RBFOX1: variants seen among roughly 807,000 people sequenced by gnomAD.
The protein encoded by RBFOX1 is RNA binding protein fox-1 homolog 1.
Under a neutral mutation model 57.7 loss-of-function variants are expected in RBFOX1, and 8 were observed. The observed-to-expected ratio is 0.14, with a 90% confidence interval of 0.08 to 0.25. The LOEUF (loss-of-function observed/expected upper bound fraction) is 0.25, where lower values mean the gene tolerates loss of function less well. Among genes scored for constraint, RBFOX1 ranks in the 10% least tolerant of loss-of-function variants. The pLI, the probability that RBFOX1 is intolerant of heterozygous loss-of-function variation, is 1.00. For synonymous variants in RBFOX1, 326 were observed against 222.4 expected (o/e 1.47, Z -4.15); for missense variants, 611 against 548.5 (o/e 1.11, Z -1.14).
At chr16:5,850,220 C>G (rs148924700) in intron 3 of RBFOX1, among the ~76,000 whole-genome samples, 8 of 152,112 alleles carry the variant, frequency 5.3e-5, no homozygotes, top group Non-Finnish European at 1.0e-4. Context: ...GCTGCTTGGC[C>G]GAAGCATGAG....
At chr16:5,574,355 C>A (rs563069419) in intron 2 of RBFOX1, among the ~76,000 whole-genome samples, 5 of 152,178 alleles carry the variant, frequency 3.3e-5, no homozygotes, top group Admixed American at 6.5e-5. Flanking sequence ...TGATTCTCAT[C>A]CAAGCCCGCC....
At chr16:7,270,646 C>G (rs1232914419) in intron 4 of RBFOX1, among the ~76,000 whole-genome samples, 2 of 152,132 alleles carry the variant, frequency 1.3e-5, no homozygotes, top group Non-Finnish European at 2.9e-5. Context: ...AAATCAGTTG[C>G]TATTAGACAA....
chr16:6,566,732 A>G (rs1600088650), intron 2 of RBFOX1, among the ~76,000 whole-genome samples: 1 of 152,102 alleles, frequency 6.6e-6, no homozygotes, highest in African/African-American at 2.4e-5. Context: ...TGGCACTCTC[A>G]TCTATATGAG....
intron 3 of RBFOX1, among the ~76,000 whole-genome samples, chr16:5,640,833 GCA>G (rs142919715): frequency 0.072 from 10,201 of 142,560 alleles, 951 homozygotes; most frequent in African/African-American, 0.23. Flanking sequence ...ACACATACAT[GCA>G]CACACACACA....
At chr16:7,193,259 G>T (rs1487118114) in intron 4 of RBFOX1, among the ~76,000 whole-genome samples, 1 of 152,174 alleles carries the variant, frequency 6.6e-6, no homozygotes, top group East Asian at 1.9e-4. Flanking sequence ...CATTATTGCT[G>T]TCTGTAAGAT....
chr16:7,237,428 G>C (rs1481037712), intron 4 of RBFOX1, among the ~76,000 whole-genome samples: 1 of 152,086 alleles, frequency 6.6e-6, no homozygotes, highest in Non-Finnish European at 1.5e-5. Context: ...TTTGTCTCTG[G>C]ACCAGGCACT....
Position 7,712,521 on chromosome 16 carries a change from T to G in RBFOX1, c.*1776T>G, listed in dbSNP as rs1399957978. 1 of 152,488 alleles carries G rather than the reference T, an allele frequency of 6.6e-6. No homozygotes were observed. The highest frequency in any genetic ancestry group is 1.9e-4 in the East Asian group (1 of 5,164). 9.4% of individuals were successfully genotyped at this position (152,488 alleles called of 1,614,324 possible). On this transcript the variant is annotated 3_prime_UTR_variant, in exon 16 of 16. Coordinates refer to ENST00000550418, the MANE Select transcript of RBFOX1 (RefSeq NM_018723.4). ...GAAAACAAAGTTTCTGTAGCTTCGA[T>G]ACCTAAGACAGACGATAGTGATCTT...
At chr16:7,708,382 T>G (rs932427222) in intron 14 of RBFOX1, among the ~76,000 whole-genome samples, 9 of 152,148 alleles carry the variant, frequency 5.9e-5, no homozygotes, top group African/African-American at 2.2e-4. Context: ...AACACAAAGA[T>G]GAGTAAATGT....
intron 1 of RBFOX1, among the ~76,000 whole-genome samples, chr16:5,293,302 A>G (rs923560606): frequency 7.2e-5 from 11 of 152,092 alleles, no homozygotes; most frequent in Admixed American, 2.6e-4. Flanking sequence ...CTGGCTGAAG[A>G]TAAAATCGGT....
intron 1 of RBFOX1, among the ~76,000 whole-genome samples, chr16:5,273,402 G>T (rs1393553579): frequency 6.6e-6 from 1 of 152,058 alleles, no homozygotes; most frequent in Non-Finnish European, 1.5e-5. Context: ...AGATAAACAT[G>T]GCACTTGGAA....
At chr16:7,206,705 C>T (rs544302937) in intron 4 of RBFOX1, among the ~76,000 whole-genome samples, 1 of 151,962 alleles carries the variant, frequency 6.6e-6, no homozygotes, top group Non-Finnish European at 1.5e-5. Flanking sequence ...TGAGGATTTA[C>T]GAAGTGACAA....
chr16:6,489,495 A>C (rs2095581730), intron 2 of RBFOX1, among the ~76,000 whole-genome samples: 1 of 152,174 alleles, frequency 6.6e-6, no homozygotes, highest in South Asian at 2.1e-4. Context: ...GTATGAGATC[A>C]CACAGCTTCT....
At chr16:6,036,696 G>A (rs1056270279) in intron 1 of RBFOX1, among the ~76,000 whole-genome samples, 2 of 152,062 alleles carry the variant, frequency 1.3e-5, no homozygotes, top group South Asian at 2.1e-4. Context: ...AATACAACAC[G>A]TCTCCTATTT....
chr16:6,295,520 C>G (rs565911544), intron 1 of RBFOX1, among the ~76,000 whole-genome samples: 49 of 152,292 alleles, frequency 3.2e-4, no homozygotes, highest in South Asian at 1.7e-3. Context: ...AGTACATAGC[C>G]TGTAGTTGGG....
intron 4 of RBFOX1, among the ~76,000 whole-genome samples, chr16:7,110,066 G>T (rs2064383328): frequency 6.6e-6 from 1 of 151,706 alleles, no homozygotes; most frequent in Non-Finnish European, 1.5e-5. Flanking sequence ...TAATCACTAA[G>T]AATCTCTGTG....
chr16:5,710,695 G>T (rs1344596285), intron 3 of RBFOX1, among the ~76,000 whole-genome samples: 3 of 152,172 alleles, frequency 2.0e-5, no homozygotes, highest in Non-Finnish European at 2.9e-5. Context: ...TGCTGACATT[G>T]TCTCAGACAT....
At chr16:7,454,838 G>T (rs942103255) in intron 4 of RBFOX1, among the ~76,000 whole-genome samples, 1 of 152,194 alleles carries the variant, frequency 6.6e-6, no homozygotes, top group African/African-American at 2.4e-5. Context: ...CTCAGGACAA[G>T]GATGGACCTA....
intron 3 of RBFOX1, among the ~76,000 whole-genome samples, chr16:6,666,756 T>C (rs1013185096): frequency 1.3e-5 from 2 of 152,072 alleles, no homozygotes; most frequent in South Asian, 2.1e-4. Flanking sequence ...ACGAGAGTTA[T>C]TGCAACAAAA....
downstream of RBFOX1, among the ~76,000 whole-genome samples, chr16:5,603,237 A>G (rs1596404197): frequency 6.6e-6 from 1 of 152,240 alleles, no homozygotes; most frequent in East Asian, 1.9e-4. Flanking sequence ...ATCTTTGGGA[A>G]CTAGGAAGTA....
Sources: allele counts gnomAD v4.1 joint callset (sites outside exome capture counted in the v4.1 genomes callset), GRCh38; gene constraint gnomAD v4.1.1; transcripts MANE v1.5; gene names NCBI Gene and HGNC (gene_info 2026-07-23, HGNC 2026-07-21).